Variants in LRRK2 observed in about 807,000 individuals in gnomAD.
LRRK2 encodes the protein leucine rich repeat kinase 2.
A neutral mutation model predicts 302.6 loss-of-function variants in LRRK2; 203 were observed. That is an observed-to-expected ratio of 0.67 (90% CI 0.60 to 0.75). The LOEUF is 0.75. Ranked by LOEUF, LRRK2 falls within the 30% of genes least tolerant of loss-of-function variation. The pLI is 0.00. For synonymous variants in LRRK2, 1,066 were observed against 1,031.9 expected (o/e 1.03, Z -0.63); for missense variants, 2,830 against 2,951.0 (o/e 0.96, Z 0.95).
chr12:40,365,149 A>AT, intron 49 of LRRK2, 99 bp downstream of exon 49: 1 of 1,126,208 alleles, frequency 8.9e-7, no homozygotes, highest in Non-Finnish European at 1.3e-6. Flanking sequence ...CCAGTGTCAT[A>AT]TGGATGGTCT....
At position 40,352,504 on chromosome 12, in the gene LRRK2, C is replaced by T. The variant is rs368208833; in HGVS notation, c.6576+771C>T. 4.5e-4 allele frequency among the ~76,000 whole-genome samples: 43 copies of T among 95,338 alleles called. No homozygotes were observed. The Middle Eastern group carries it at 0.022, about 48-fold the overall frequency. The allele number at this position is 95,338 out of a possible 152,430, so 62.5% of individuals were successfully genotyped here. On this transcript the variant is annotated intron_variant, in intron 44 of 50. Coordinates refer to ENST00000298910, the MANE Select transcript of LRRK2 (RefSeq NM_198578.4). ...TAATTGATCATTCTTGGGTGTTTCTCGCAGAGGGGGATTTGGCAGGGTCAT... is the reference window on the plus strand; with the variant it reads ...TAATTGATCATTCTTGGGTGTTTCTTGCAGAGGGGGATTTGGCAGGGTCAT...
intron 39 of LRRK2, 147 bp downstream of exon 39, chr12:40,328,607 T>C: frequency 1.6e-6 from 1 of 643,418 alleles, no homozygotes; most frequent in Non-Finnish European, 2.6e-6. Context: ...CTTTTCGTTG[T>C]GGAGTAGAAA....
rs1276064023 is a variant in LRRK2, at chr12:40,293,531, C to A, written c.2690-14C>A. On this transcript the variant is annotated splice_polypyrimidine_tract_variant and intron_variant, in intron 20 of 50. Transcript: ENST00000298910. ...TGTATTCACCTTCATGTTATTTTAT[C>A]ATTTTCAAAATAGGAAGTGAAGGCT... is the stretch of plus-strand genomic sequence containing the variant. 4 of 1,492,416 alleles carry A rather than the reference C, an allele frequency of 2.7e-6. No homozygotes were observed. Among genetic ancestry groups the A allele is most frequent in the African/African-American group, 1.4e-5 (1 of 72,398 alleles). The allele number at this position is 1,492,416 out of a possible 1,614,324, so 92.4% of individuals were successfully genotyped here. A position where few individuals can be genotyped will look rare whatever the true frequency, so the allele number is the denominator to read the frequency against.
At chr12:40,282,548 T>C (rs1309219454) in intron 18 of LRRK2, among the ~76,000 whole-genome samples, 2 of 152,038 alleles carry the variant, frequency 1.3e-5, no homozygotes, top group African/African-American at 2.4e-5. Flanking sequence ...AGGAAGGCAT[T>C]TGGGGTAATA....
rs76105269 is a variant in LRRK2 at position 40,320,927 on chromosome 12, A to T, written c.5016-107A>T. The T allele has an allele frequency of 1.6e-3, 2,084 of 1,329,498 alleles. 48 individuals are homozygous for T. In the East Asian group the frequency reaches 0.044, roughly 28 times the overall value. 82.4% of individuals were successfully genotyped at this position (1,329,498 alleles called of 1,614,324 possible). ...GAAACAATGTTACAAAAAGATTACA[A>T]TTGTTTGGAATGATTACCTTCATTG... is the stretch of plus-strand genomic sequence containing the variant. On this transcript the variant is annotated intron_variant, in intron 34 of 50. Transcript: ENST00000298910.
chr12:40,348,567 A>T, intron 43 of LRRK2, 58 bp downstream of exon 43: 1 of 1,025,324 alleles, frequency 9.8e-7, no homozygotes, highest in East Asian at 2.6e-5. Flanking sequence ...ATATGCATAT[A>T]TATATAATCT....
In LRRK2 at chr12:40,293,663, G is replaced by T; in HGVS notation, c.2808G>T (p.Leu936Phe). 1 of 1,590,720 alleles carries T rather than the reference G, an allele frequency of 6.3e-7. No homozygotes were observed. The highest frequency in any genetic ancestry group is 1.1e-5 in the South Asian group (1 of 90,614). ...ATTTGCAAAGACATTCCAATTCCTT[G>T]GTAAGTTAAATTGTGCAATTGTGAT... ...SPNLQRHSNSLGPIFDHEDLL... is the reference protein window; with the variant it reads ...SPNLQRHSNSFGPIFDHEDLL... Residue 936 changes from leucine (L) to phenylalanine (F), a missense_variant and splice_region_variant, in exon 21 of 51, where the codon TTG (leucine) becomes TTT (phenylalanine). Transcript: ENST00000298910.
intron 35 of LRRK2, among the ~76,000 whole-genome samples, 171 bp downstream of exon 35, chr12:40,321,359 G>T (rs1197990979): frequency 6.6e-6 from 1 of 151,982 alleles, no homozygotes; most frequent in Admixed American, 6.6e-5. Context: ...AAACCTTGGA[G>T]TAGGCAATCT....
At chr12:40,266,889 A>G (rs980923537) in intron 14 of LRRK2, among the ~76,000 whole-genome samples, 2 of 149,876 alleles carry the variant, frequency 1.3e-5, no homozygotes, top group Non-Finnish European at 3.0e-5. Context: ...TGCCAAGGAC[A>G]AAAAACCAAA....
In LRRK2 at chr12:40,249,822, T is replaced by G. The variant is rs748213808; in HGVS notation, c.839-4T>G. The stretch of plus-strand genomic sequence containing the variant: ...ATTCAGCTAATGTTTCACTTAACTT[T>G]TAGGTAATTTTTTCAATATCCTGGT... On this transcript the variant is annotated splice_region_variant and splice_polypyrimidine_tract_variant and intron_variant, in intron 7 of 50. Transcript: ENST00000298910. The G allele has an allele frequency of 8.7e-6, 14 of 1,613,432 alleles. No homozygotes were observed. Among genetic ancestry groups the G allele is most frequent in the Middle Eastern group, 3.3e-4 (2 of 6,076 alleles).
intron 16 of LRRK2, among the ~76,000 whole-genome samples, chr12:40,276,734 C>T (rs1454822192): frequency 6.6e-6 from 1 of 152,212 alleles, no homozygotes; most frequent in East Asian, 1.9e-4. Context: ...CTCAGACATA[C>T]ATAAATTAAG....
chr12:40,322,244 A>G, intron 36 of LRRK2, 63 bp downstream of exon 36: 1 of 1,584,040 alleles, frequency 6.3e-7, no homozygotes, highest in Non-Finnish European at 8.6e-7. Context: ...TTAAAAAAAA[A>G]AAAAACTTTA....
At chr12:40,279,010 C>T (rs1366557524) in intron 18 of LRRK2, among the ~76,000 whole-genome samples, 1 of 151,632 alleles carries the variant, frequency 6.6e-6, no homozygotes. Flanking sequence ...GAGCTCATTG[C>T]TTTACATATG....
intron 35 of LRRK2, among the ~76,000 whole-genome samples, 187 bp downstream of exon 35, chr12:40,321,375 C>T (rs1409843249): frequency 1.3e-5 from 2 of 151,968 alleles, no homozygotes; most frequent in African/African-American, 2.4e-5. Context: ...AATCTAAAGA[C>T]ACACAAGCAC....
chr12:40,287,591 T>A, intron 20 of LRRK2, 52 bp downstream of exon 20: 1 of 1,561,324 alleles, frequency 6.4e-7, no homozygotes. Flanking sequence ...ACACTGACAT[T>A]GAACAATAGG....
intron 2 of LRRK2, among the ~76,000 whole-genome samples, chr12:40,226,720 G>A (rs1341239780): frequency 6.6e-6 from 1 of 152,190 alleles, no homozygotes; most frequent in Non-Finnish European, 1.5e-5. Flanking sequence ...AGAAAAGATG[G>A]AGGCATAATA....
chr12:40,247,293 A>G (rs1244702287), intron 7 of LRRK2, among the ~76,000 whole-genome samples: 1 of 151,780 alleles, frequency 6.6e-6, no homozygotes, highest in East Asian at 1.9e-4. Flanking sequence ...TTAGTTTGTT[A>G]TTTCTTTCCT....
intron 6 of LRRK2, among the ~76,000 whole-genome samples, chr12:40,243,116 G>A (rs1941814099): frequency 6.6e-6 from 1 of 150,652 alleles, no homozygotes; most frequent in East Asian, 1.9e-4. Flanking sequence ...AACACAATTA[G>A]CAGCTATTTC....
Position 40,302,881 on chromosome 12 carries a change from C to T in LRRK2, c.3589C>T (p.His1197Tyr), listed in dbSNP as rs1300919336. The change falls in exon 26 of 51, where the codon CAC (histidine) becomes TAC (tyrosine). Residue 1197 changes from histidine to tyrosine, a missense_variant and splice_region_variant. This residue lies in a region of LRRK2 where 2,121 missense variants were observed against 2,148.0 expected (regional missense o/e 0.99). Coordinates refer to ENST00000298910, the MANE Select transcript of LRRK2 (RefSeq NM_198578.4). ...CIPEAILNLP[H>Y]LRSLDMSSND... ...TCCAGAAGCAATTTTAAATCTTCCA[C>T]AGTAAGTTTATTGTTATTTTAATTT... 1.3e-6 allele frequency: 2 copies of T among 1,544,634 alleles called. No homozygotes were observed. Among genetic ancestry groups the T allele is most frequent in the African/African-American group, 1.4e-5 (1 of 73,368 alleles).
Sources: allele counts gnomAD v4.1 joint callset (sites outside exome capture counted in the v4.1 genomes callset), GRCh38; gene constraint gnomAD v4.1.1; regional missense constraint gnomAD v4.1.1; transcripts MANE v1.5; gene names NCBI Gene and HGNC (gene_info 2026-07-23, HGNC 2026-07-21).